LAMA2: variants seen among roughly 807,000 people sequenced by gnomAD.
LAMA2 encodes laminin subunit alpha-2.
LAMA2 carries 269 observed loss-of-function variants against 364.8 expected under a neutral mutation model. The ratio of observed to expected loss-of-function variants is 0.74; its 90% confidence interval spans 0.67 to 0.82. The LOEUF is 0.82. Ranked by LOEUF, LAMA2 falls within the 40% of genes least tolerant of loss-of-function variation. The pLI, the probability that LAMA2 is intolerant of heterozygous loss-of-function variation, is 0.00. For missense variants in LAMA2, 3,807 were observed against 3,873.2 expected, an observed-to-expected ratio of 0.98 and a Z score of 0.45; for synonymous variants, 1,379 against 1,370.6, an observed-to-expected ratio of 1.01 and a Z score of -0.14.
intron 4 of LAMA2, among the ~76,000 whole-genome samples, chr6:129,119,151 A>G (rs371440265): frequency 4.6e-5 from 7 of 152,214 alleles, no homozygotes; most frequent in African/African-American, 1.7e-4. Context: ...AGACATATCA[A>G]TAAAATGTGT....
rs1215517876 is a variant in LAMA2, at chr6:129,512,433, T to A, written c.8928T>A (p.Val2976=). The A allele has an allele frequency of 6.2e-7, 1 of 1,613,732 alleles. No individual in the cohort carries two copies. ...TCCGCACAACTACAACGACTGGAGT[T>A]CTTCTGGGGATCAGTAGTCAAAAAA... The part of the protein sequence containing the change: ...FEFRTTTTTG[V]LLGISSQKMD... Residue 2976 remains valine (V), a synonymous_variant, in exon 63 of 65, where the codon GTT becomes GTA. Coordinates refer to ENST00000421865, the MANE Select transcript of LAMA2 (RefSeq NM_000426.4).
chr6:129,295,905 T>C (rs1773150047), intron 20 of LAMA2, among the ~76,000 whole-genome samples: 1 of 151,970 alleles, frequency 6.6e-6, no homozygotes, highest in Admixed American at 6.6e-5. Context: ...ATGACTCAGA[T>C]ATTTTTCAAT....
chr6:129,053,313 C>T (rs963354370), intron 2 of LAMA2, among the ~76,000 whole-genome samples: 2 of 152,148 alleles, frequency 1.3e-5, no homozygotes, highest in African/African-American at 4.8e-5. Flanking sequence ...GATCCAACTG[C>T]CTCGGCCTCC....
intron 1 of LAMA2, among the ~76,000 whole-genome samples, chr6:128,975,915 G>C (rs1392139436): frequency 6.6e-6 from 1 of 152,204 alleles, no homozygotes; most frequent in Non-Finnish European, 1.5e-5. Context: ...GAGGGAAAGA[G>C]TGGGGAGAGG....
chr6:128,970,366 G>A (rs1265929579), intron 1 of LAMA2, among the ~76,000 whole-genome samples: 1 of 152,112 alleles, frequency 6.6e-6, no homozygotes, highest in African/African-American at 2.4e-5. Context: ...TCTTTCAAAC[G>A]TCTGTCACTT....
intron 12 of LAMA2, among the ~76,000 whole-genome samples, chr6:129,232,455 G>T (rs1409685204): frequency 3.3e-5 from 5 of 152,006 alleles, no homozygotes; most frequent in Non-Finnish European, 7.4e-5. Flanking sequence ...TGAAGACTGT[G>T]GGGCCATCCT....
chr6:129,093,096 C>T (rs1431348336), intron 3 of LAMA2, among the ~76,000 whole-genome samples: 1 of 152,032 alleles, frequency 6.6e-6, no homozygotes, highest in Non-Finnish European at 1.5e-5. Flanking sequence ...GATTCTCCTG[C>T]CTCAGCTTCC....
At chr6:129,077,287 G>C (rs977318821) in intron 3 of LAMA2, among the ~76,000 whole-genome samples, 1 of 152,044 alleles carries the variant, frequency 6.6e-6, no homozygotes, top group African/African-American at 2.4e-5. Context: ...ATATGGGAAT[G>C]TTTATAAAAC....
chr6:129,266,821 A>T (rs1226892285), intron 15 of LAMA2, among the ~76,000 whole-genome samples: 1 of 152,002 alleles, frequency 6.6e-6, no homozygotes, highest in Non-Finnish European at 1.5e-5. Context: ...AGACTGTCAC[A>T]TTTCAATTCT....
chr6:129,365,973 T>C (rs1174782917), intron 32 of LAMA2, among the ~76,000 whole-genome samples: 1 of 152,216 alleles, frequency 6.6e-6, no homozygotes, highest in Non-Finnish European at 1.5e-5. Flanking sequence ...TCCTCCTCTT[T>C]GGTCCCTCAG....
rs11965876 is a variant in LAMA2, at chr6:129,409,124, A to G, written c.5865+5165A>G. Among the ~76,000 whole-genome samples the G allele has an allele frequency of 2.8e-3, 433 of 152,316 alleles. 2 individuals are homozygous for G. The highest frequency in any genetic ancestry group is 9.8e-3 in the African/African-American group (408 of 41,566). On this transcript the variant is annotated intron_variant, in intron 40 of 64. Coordinates refer to ENST00000421865, the MANE Select transcript of LAMA2 (RefSeq NM_000426.4). ...ATTTCTTCTTCCAAGCAAGTGCACA[A>G]CCAGGTGCCCTGCTCAAAATTCTGC...
At chr6:129,401,369 G>A (rs760584945) in intron 38 of LAMA2, 29 bp downstream of exon 38, 2 of 1,323,180 alleles carry the variant, frequency 1.5e-6, no homozygotes, top group South Asian at 2.4e-5. Flanking sequence ...TCAAAAGAGA[G>A]ATGATAATGA....
At position 129,267,118 on chromosome 6, in the gene LAMA2, A is replaced by C. The variant is rs972242971; in HGVS notation, c.2221A>C (p.Arg741=). 1.2e-6 allele frequency: 2 copies of C among 1,609,902 alleles called. No homozygotes were observed. The highest frequency in any genetic ancestry group is 2.2e-5 in the East Asian group (1 of 44,852). ...ATCTTTCTCTCAGTCTTGTTGGCCT[A>C]GGCACAGGCGAGTTAACGGCACTAT... ...TGSSCESCWP[R]HRRVNGTIFG... Residue 741 remains arginine (R), a synonymous_variant, in exon 16 of 65, where the codon AGG becomes CGG. Transcript: ENST00000421865.
At chr6:129,193,667 C>T (rs1194474282) in intron 12 of LAMA2, among the ~76,000 whole-genome samples, 1 of 152,168 alleles carries the variant, frequency 6.6e-6, no homozygotes, top group African/African-American at 2.4e-5. Context: ...AATACCTGAT[C>T]ACACCAGAAG....
intron 34 of LAMA2, among the ~76,000 whole-genome samples, chr6:129,370,347 CTT>C (rs1778003119): frequency 6.6e-6 from 1 of 152,154 alleles, no homozygotes; most frequent in Non-Finnish European, 1.5e-5. Flanking sequence ...CTTGTGGTCT[CTT>C]TCATCTCATC....
intron 64 of LAMA2, among the ~76,000 whole-genome samples, chr6:129,515,979 C>A (rs1787032414): frequency 6.6e-6 from 1 of 152,144 alleles, no homozygotes; most frequent in African/African-American, 2.4e-5. Flanking sequence ...GCACTCCAGC[C>A]TGGGCAACAG....
chr6:129,366,690 A>G (rs983245897), intron 33 of LAMA2, among the ~76,000 whole-genome samples: 2 of 152,202 alleles, frequency 1.3e-5, no homozygotes, highest in African/African-American at 4.8e-5. Context: ...TAATCCTTAC[A>G]AAACCAATAA....
intron 12 of LAMA2, among the ~76,000 whole-genome samples, chr6:129,234,170 G>A (rs1320004382): frequency 6.6e-6 from 1 of 152,152 alleles, no homozygotes; most frequent in Non-Finnish European, 1.5e-5. Flanking sequence ...ACTCCAATAT[G>A]AGACTTTATT....
chr6:129,373,055 T>C (rs1334957557), intron 34 of LAMA2, among the ~76,000 whole-genome samples: 1 of 152,198 alleles, frequency 6.6e-6, no homozygotes, highest in Admixed American at 6.5e-5. Flanking sequence ...CAGATATGTC[T>C]TTTGCCATTA....
Sources: gnomAD v4.1 joint callset for allele counts (sites outside exome capture counted in the v4.1 genomes callset) on GRCh38, gnomAD v4.1.1 for gene constraint, MANE v1.5 for transcripts, NCBI Gene and HGNC (gene_info 2026-07-23, HGNC 2026-07-21) for gene names.